INTS13: variants seen among roughly 807,000 people sequenced by gnomAD.
The protein encoded by INTS13 is integrator complex subunit 13.
A neutral mutation model predicts 90.2 loss-of-function variants in INTS13; 35 were observed. The ratio of observed to expected loss-of-function variants is 0.39; its 90% CI spans 0.30 to 0.51. The LOEUF (loss-of-function observed/expected upper bound fraction) is 0.51, where lower values mean the gene tolerates loss of function less well. Ranked by LOEUF, INTS13 falls within the 20% of genes least tolerant of loss-of-function variation. The pLI, the probability that INTS13 is intolerant of heterozygous loss-of-function variation, is 0.80. For missense variants in INTS13, 601 were observed against 851.2 expected (o/e 0.71, Z 3.66); for synonymous variants, 309 against 277.1 (o/e 1.11, Z -1.14).
At chr12:26,933,525 C>T (rs991341164) in intron 3 of INTS13, among the ~76,000 whole-genome samples, 1 of 152,082 alleles carries the variant, frequency 6.6e-6, no homozygotes, top group African/African-American at 2.4e-5. Flanking sequence ...TTATTTCCAA[C>T]ACGGAATTTC....
chr12:26,912,769 C>A (rs886719478), intron 14 of INTS13, among the ~76,000 whole-genome samples: 2 of 151,752 alleles, frequency 1.3e-5, no homozygotes, highest in Non-Finnish European at 2.9e-5. Flanking sequence ...ACTCTATTGC[C>A]CAGGCTGGAG....
chr12:26,931,856 G>A (rs11048777), intron 3 of INTS13, among the ~76,000 whole-genome samples: 7,141 of 152,288 alleles, frequency 0.047, 226 homozygotes, highest in Non-Finnish European at 0.078. Context: ...GGTGGCTGAG[G>A]CGGGTGGATC....
At chr12:26,909,076 G>A (rs1236459151) in intron 15 of INTS13, among the ~76,000 whole-genome samples, 1 of 152,142 alleles carries the variant, frequency 6.6e-6, no homozygotes, top group African/African-American at 2.4e-5. Flanking sequence ...ACCACCCTGT[G>A]GGGGCTGGGC....
At chr12:26,928,665 T>C in intron 4 of INTS13, 38 bp downstream of exon 4, 1 of 1,599,444 alleles carries the variant, frequency 6.3e-7, no homozygotes, top group Non-Finnish European at 8.6e-7. Flanking sequence ...GATTTTAAAA[T>C]TCCCACAGTG....
chr12:26,928,343 C>G, intron 4 of INTS13, 58 bp from the exon 5 acceptor site: 1 of 1,325,276 alleles, frequency 7.5e-7, no homozygotes, highest in Non-Finnish European at 1.1e-6. Context: ...AGAAAAAATT[C>G]AAAACACTCT....
intron 8 of INTS13, among the ~76,000 whole-genome samples, chr12:26,918,244 A>G (rs1182735457): frequency 6.6e-6 from 1 of 152,182 alleles, no homozygotes; most frequent in Non-Finnish European, 1.5e-5. Flanking sequence ...AAACTACTCT[A>G]AAATTAAAAG....
chr12:26,916,260 T>A, intron 10 of INTS13, 80 bp from the exon 11 acceptor site: 1 of 1,263,202 alleles, frequency 7.9e-7, no homozygotes, highest in South Asian at 1.7e-5. Flanking sequence ...ATGTCTAGAT[T>A]TTTTCATTTT....
rs548803137 is a variant in INTS13 at position 26,926,541 on chromosome 12, G to A, written c.585-690C>T. On this transcript the variant is annotated intron_variant, in intron 5 of 16. Transcript: ENST00000261191. ...ACAATAACACTATGACCGCACCTAA[G>A]AAAACTAATAATCACTCTAAAAAAG... Among the ~76,000 whole-genome samples, 19 of 152,266 alleles carry A rather than the reference G, an allele frequency of 1.2e-4. 1 individual carries two copies. The highest frequency in any genetic ancestry group is 4.3e-4 in the African/African-American group (18 of 41,568).
At chr12:26,928,515 CTTTA>C (rs1428648003) in intron 4 of INTS13, among the ~76,000 whole-genome samples, 184 bp downstream of exon 4, 1 of 147,036 alleles carries the variant, frequency 6.8e-6, no homozygotes, top group Non-Finnish European at 1.5e-5. Flanking sequence ...TGAGATAAGT[CTTTA>C]TTTTAGAATG....
chr12:26,932,087 C>CAAA (rs34658630), intron 3 of INTS13, among the ~76,000 whole-genome samples: 8 of 78,864 alleles, frequency 1.0e-4, no homozygotes, highest in East Asian at 2.9e-4. Flanking sequence ...AACTCAGTCT[C>CAAA]AAAAAAAAAA....
Position 26,914,054 on chromosome 12 carries a change from T to C in INTS13, c.1494A>G (p.Ile498Met). Residue 498 changes from isoleucine (I) to methionine (M), a missense_variant, in exon 13 of 17, where the codon ATA (isoleucine) becomes ATG (methionine). Coordinates refer to ENST00000261191, the MANE Select transcript of INTS13 (RefSeq NM_018164.3). ...TTCTTTCCATATCAACTAAGTTGTA[T>C]ATTGTTTTTTGACAGTTTAACACAT... is the stretch of plus-strand genomic sequence containing the variant. ...EEDVLNCQKTIYNLVDMERKN... is the reference protein window; with the variant it reads ...EEDVLNCQKTMYNLVDMERKN... 1.2e-6 allele frequency: 2 copies of C among 1,611,754 alleles called. No individual in the cohort carries two copies. Among genetic ancestry groups the C allele is most frequent in the Non-Finnish European group, 1.7e-6 (2 of 1,179,060 alleles).
chr12:26,924,676 A>G lies in INTS13; in HGVS notation c.676-193T>C, dbSNP rs117827098. 3.4e-3 allele frequency among the ~76,000 whole-genome samples: 523 copies of G among 152,310 alleles called. 1 individual carries two copies. Among genetic ancestry groups the G allele is most frequent in the Non-Finnish European group, 6.1e-3 (414 of 68,020 alleles). On this transcript the variant is annotated intron_variant, in intron 6 of 16. Transcript: ENST00000261191. ...TCATGCATTCATTCACTCACCACAT[A>G]TGTATTAATCAGTTTGCTAGATACC...
intron 2 of INTS13, among the ~76,000 whole-genome samples, chr12:26,934,932 G>A (rs1307518144): frequency 6.6e-6 from 1 of 152,210 alleles, no homozygotes; most frequent in Admixed American, 6.5e-5. Flanking sequence ...TAATTTCAGA[G>A]AGTGATAAAC....
chr12:26,915,963 A>G (rs750866673), intron 11 of INTS13, 39 bp downstream of exon 11: 8 of 1,463,518 alleles, frequency 5.5e-6, no homozygotes, highest in Non-Finnish European at 7.4e-6. Flanking sequence ...GAATGATGAC[A>G]GATTCAAAAC....
chr12:26,915,943 A>G, intron 11 of INTS13, 59 bp downstream of exon 11: 2 of 1,315,744 alleles, frequency 1.5e-6, no homozygotes, highest in Non-Finnish European at 2.1e-6. Context: ...GCACTCGATA[A>G]CTACTTGCTG....
Position 26,925,770 on chromosome 12 carries a change from A to G in INTS13, c.666T>C (p.Ser222=), listed in dbSNP as rs1937834382. The G allele has an allele frequency of 1.9e-6, 3 of 1,608,210 alleles. No homozygotes were observed. Among genetic ancestry groups the G allele is most frequent in the African/African-American group, 1.3e-5 (1 of 74,774 alleles). ...TTATTTCAACACTCACCTCTTTTTT[A>G]GAACGATCAGATACAAGGCTGTCTT... ...VGEDSLVSDR[S]KKELSPVLTS... Residue 222 remains serine (S), a synonymous_variant, in exon 6 of 17, where the codon TCT becomes TCC. Coordinates refer to ENST00000261191, the MANE Select transcript of INTS13 (RefSeq NM_018164.3).
intron 8 of INTS13, 88 bp downstream of exon 8, chr12:26,922,528 G>T: frequency 1.0e-6 from 1 of 958,116 alleles, no homozygotes; most frequent in Non-Finnish European, 1.5e-6. Flanking sequence ...TGGGGGTCTT[G>T]GAATGTCTTC....
rs1405294777 is a variant in INTS13 at position 26,925,765 on chromosome 12, T to G, written c.671A>C (p.Lys224Thr). Residue 224 changes from lysine (K) to threonine (T), a missense_variant, in exon 6 of 17, where the codon AAA becomes ACA. Transcript: ENST00000261191. Reference protein sequence around the residue: ...EDSLVSDRSKKELSPVLTSEV... With the variant: ...EDSLVSDRSKTELSPVLTSEV... ...TTTCATTATTTCAACACTCACCTCT[T>G]TTTTAGAACGATCAGATACAAGGCT... is the stretch of plus-strand genomic sequence containing the variant. The G allele has an allele frequency of 1.2e-6, 2 of 1,607,696 alleles. No individual in the cohort carries two copies. The highest frequency in any genetic ancestry group is 1.7e-6 in the Non-Finnish European group (2 of 1,175,690).
intron 2 of INTS13, among the ~76,000 whole-genome samples, chr12:26,936,033 A>T (rs1466239299): frequency 6.6e-6 from 1 of 152,208 alleles, no homozygotes; most frequent in Non-Finnish European, 1.5e-5. Context: ...ATGGCCAAAC[A>T]ATACAGCAGT....
Sources: gnomAD v4.1 joint callset for allele counts (sites outside exome capture counted in the v4.1 genomes callset) on GRCh38, gnomAD v4.1.1 for gene constraint, MANE v1.5 for transcripts, NCBI Gene and HGNC (gene_info 2026-07-23, HGNC 2026-07-21) for gene names.